ITPR2: variants seen among roughly 807,000 people sequenced by gnomAD.
The protein encoded by ITPR2 is inositol 1,4,5-trisphosphate-gated calcium channel ITPR2.
In ITPR2, 207 loss-of-function variants were observed where a neutral mutation model predicts 317.1. The ratio of observed to expected loss-of-function variants is 0.65; its 90% CI spans 0.58 to 0.73. The LOEUF is 0.73. Among genes scored for constraint, ITPR2 ranks in the 30% least tolerant of loss-of-function variants. The probability of loss-of-function intolerance (pLI) is 0.00; values close to 1 mark genes in which losing one functional copy is unlikely to be tolerated. For synonymous variants in ITPR2, 1,156 were observed against 1,149.1 expected, an observed-to-expected ratio of 1.01 and a Z score of -0.12; for missense variants, 2,613 against 3,284.0, an observed-to-expected ratio of 0.80 and a Z score of 4.99.
intron 26 of ITPR2, among the ~76,000 whole-genome samples, chr12:26,614,058 G>C (rs1946326031): frequency 6.6e-6 from 1 of 152,032 alleles, no homozygotes; most frequent in African/African-American, 2.4e-5. Context: ...CAAAGACTTT[G>C]GCAAGAATGG....
intron 32 of ITPR2, among the ~76,000 whole-genome samples, chr12:26,594,957 A>G (rs1394884835): frequency 6.6e-6 from 1 of 152,220 alleles, no homozygotes; most frequent in Non-Finnish European, 1.5e-5. Context: ...GGTGGACACG[A>G]GTGAAAATGC....
Position 26,387,460 on chromosome 12 carries a change from C to T in ITPR2, c.7831G>A (p.Glu2611Lys). 6.2e-7 allele frequency: 1 copy of T among 1,613,636 alleles called. No individual in the cohort carries two copies. The highest frequency in any genetic ancestry group is 8.5e-7 in the Non-Finnish European group (1 of 1,179,744). Reference sequence around the variant, plus strand: ...ACAATCATTTGAGCCACATAACTTTCAGGTCCAGTGTATTCTGTTGGGTCT... The same window carrying T: ...ACAATCATTTGAGCCACATAACTTTTAGGTCCAGTGTATTCTGTTGGGTCT... ...VKDPTEYTGP[E>K]SYVAQMIVEK... The change falls in exon 55 of 57, where the codon GAA becomes AAA. Residue 2611 changes from glutamate (E) to lysine (K), a missense_variant. Physicochemically the swap from Glu to Lys is moderately conservative, Grantham distance 56. Transcript: ENST00000381340.
intron 12 of ITPR2, 91 bp downstream of exon 12, chr12:26,682,483 G>T: frequency 1.3e-6 from 1 of 774,794 alleles, no homozygotes; most frequent in East Asian, 2.6e-5. Context: ...TGAAGATGGA[G>T]TATAAGGAAC....
chr12:26,596,464 T>C (rs982474408), intron 31 of ITPR2, among the ~76,000 whole-genome samples: 2 of 152,058 alleles, frequency 1.3e-5, no homozygotes, highest in Non-Finnish European at 2.9e-5. Flanking sequence ...CTGGCCAACA[T>C]GGTGAAACCC....
At chr12:26,724,332 TAAAC>T (rs2137048237) in intron 4 of ITPR2, among the ~76,000 whole-genome samples, 1 of 152,314 alleles carries the variant, frequency 6.6e-6, no homozygotes, top group African/African-American at 2.4e-5. Flanking sequence ...CTCCATATGT[TAAAC>T]ACAGTCCCAT....
chr12:26,805,843 G>A (rs1360890155), intron 1 of ITPR2, among the ~76,000 whole-genome samples: 1 of 151,704 alleles, frequency 6.6e-6, no homozygotes, highest in Admixed American at 6.6e-5. Flanking sequence ...ATTAAGGAAT[G>A]GAAGGCCAGA....
chr12:26,440,087 C>G (rs140308382), intron 46 of ITPR2, among the ~76,000 whole-genome samples: 3,673 of 152,192 alleles, frequency 0.024, 55 homozygotes, highest in African/African-American at 0.04. Flanking sequence ...CTTCCCTTTG[C>G]CACTGACTGG....
intron 37 of ITPR2, among the ~76,000 whole-genome samples, chr12:26,534,281 G>A (rs977769764): frequency 6.6e-6 from 1 of 152,198 alleles, no homozygotes; most frequent in South Asian, 2.1e-4. Context: ...CAGCAAAATT[G>A]TATGCAAACA....
Position 26,620,046 on chromosome 12 carries a change from T to C in ITPR2, c.3462+1077A>G, listed in dbSNP as rs558239105. On this transcript the variant is annotated intron_variant, in intron 26 of 56. Transcript: ENST00000381340. ...CCTTCCTATGATGCACTTTATTACC[T>C]GGCATTCAGCAAGCATTCCCACCCC... 5.9e-5 allele frequency among the ~76,000 whole-genome samples: 9 copies of C among 152,354 alleles called. No homozygotes were observed. The South Asian group carries it at 1.9e-3, about 32-fold the overall frequency.
chr12:26,543,393 A>AAGAG (rs757818715), intron 37 of ITPR2, among the ~76,000 whole-genome samples: 14 of 150,290 alleles, frequency 9.3e-5, no homozygotes, highest in South Asian at 2.1e-4. Flanking sequence ...GAGACAGGGG[A>AAGAG]AGAGAGAGAG....
At chr12:26,529,692 G>A (rs1316868415) in intron 37 of ITPR2, among the ~76,000 whole-genome samples, 1 of 152,152 alleles carries the variant, frequency 6.6e-6, no homozygotes, top group Non-Finnish European at 1.5e-5. Flanking sequence ...CTAAACTTCA[G>A]TTTTTCCATC....
chr12:26,682,454 C>G, intron 12 of ITPR2, 120 bp downstream of exon 12: 1 of 661,644 alleles, frequency 1.5e-6, no homozygotes, highest in Non-Finnish European at 2.6e-6. Flanking sequence ...AAATTAATTG[C>G]AATGATCTGT....
At chr12:26,449,955 C>T (rs1941700156) in intron 45 of ITPR2, among the ~76,000 whole-genome samples, 1 of 152,192 alleles carries the variant, frequency 6.6e-6, no homozygotes, top group Non-Finnish European at 1.5e-5. Context: ...AATGAGGTCA[C>T]ACTGGATTAG....
chr12:26,745,056 G>T (rs1433412916), intron 2 of ITPR2, among the ~76,000 whole-genome samples: 2 of 152,232 alleles, frequency 1.3e-5, no homozygotes, highest in East Asian at 3.8e-4. Flanking sequence ...CCAGGTAGCA[G>T]CATTATAAGT....
intron 28 of ITPR2, among the ~76,000 whole-genome samples, chr12:26,600,323 C>T (rs1945965835): frequency 6.6e-6 from 1 of 152,036 alleles, no homozygotes; most frequent in South Asian, 2.1e-4. Context: ...GTTATTCCTC[C>T]TGATTCTATT....
intron 21 of ITPR2, 37 bp from the exon 22 acceptor site, chr12:26,632,096 C>T (rs1363018694): frequency 6.8e-7 from 1 of 1,467,878 alleles, no homozygotes. Context: ...ACACACACAA[C>T]CCCTGGAGAT....
At chr12:26,780,627 AG>A (rs147778324) in intron 2 of ITPR2, among the ~76,000 whole-genome samples, 2,443 of 152,270 alleles carry the variant, frequency 0.016, 67 homozygotes, top group African/African-American at 0.056. Flanking sequence ...GATACTTTGC[AG>A]GGTTGGGGCA....
chr12:26,566,818 T>C (rs767442945), intron 34 of ITPR2, among the ~76,000 whole-genome samples: 2 of 152,178 alleles, frequency 1.3e-5, no homozygotes, highest in Admixed American at 1.3e-4. Flanking sequence ...CACACAGCAG[T>C]GCAACTGCAC....
intron 37 of ITPR2, among the ~76,000 whole-genome samples, chr12:26,535,613 G>A (rs112962435): frequency 0.027 from 4,114 of 152,292 alleles, 129 homozygotes; most frequent in African/African-American, 0.073. Flanking sequence ...TGGGGAAGTT[G>A]AGCTTAGATG....
Sources: allele counts gnomAD v4.1 joint callset (sites outside exome capture counted in the v4.1 genomes callset), GRCh38; gene constraint gnomAD v4.1.1; transcripts MANE v1.5; gene names NCBI Gene and HGNC (gene_info 2026-07-23, HGNC 2026-07-21).